Variants in CAPN5 observed in about 807,000 individuals in gnomAD.
CAPN5 encodes calpain-5.
Under a neutral mutation model 73.0 loss-of-function variants are expected in CAPN5, and 54 were observed. The ratio of observed to expected loss-of-function variants is 0.74; its 90% CI spans 0.59 to 0.93. The LOEUF is 0.93. CAPN5 is among the 40% of genes least tolerant of loss of function. CAPN5 has a pLI of 0.00. For synonymous variants in CAPN5, 335 were observed against 356.9 expected (o/e 0.94, Z 0.69); for missense variants, 785 against 882.9 (o/e 0.89, Z 1.41).
At chr11:77,102,250 C>T (rs1368865961) in intron 3 of CAPN5, among the ~76,000 whole-genome samples, 7 of 152,150 alleles carry the variant, frequency 4.6e-5, no homozygotes, top group Non-Finnish European at 5.9e-5. Context: ...GGAAGGGTCC[C>T]GGGGTGTTTG....
chr11:77,088,201 A>G, intron 2 of CAPN5: 1 of 1,058,052 alleles, frequency 9.5e-7, no homozygotes, highest in South Asian at 1.7e-5. Flanking sequence ...GGACTAATGA[A>G]CAGACACTGG....
rs1192620833 is a variant in CAPN5 at position 77,124,161 on chromosome 11, C to T, written c.*291C>T. On this transcript the variant is annotated 3_prime_UTR_variant, in exon 13 of 13. Coordinates refer to ENST00000648180, the MANE Select transcript of CAPN5 (RefSeq NM_004055.5). ...TCCATTGAGCACATTTTCCTAAGGC[C>T]CTGCTGTCTGCCGAGGAGCGCCAAG... 3.2e-5 allele frequency: 13 copies of T among 401,218 alleles called. No individual in the cohort carries two copies. The East Asian group carries it at 5.3e-4, about 16-fold the overall frequency. 24.9% of individuals were successfully genotyped at this position (401,218 alleles called of 1,614,324 possible). A position where few individuals can be genotyped will look rare whatever the true frequency, so the allele number is the denominator to read the frequency against.
intron 1 of CAPN5, among the ~76,000 whole-genome samples, chr11:77,073,982 A>G (rs7111527): frequency 0.73 from 111,681 of 152,112 alleles, 41,288 homozygotes; most frequent in African/African-American, 0.82. Context: ...CTCAGCACAC[A>G]GTGCGTCAGA....
At chr11:77,067,953 C>T (rs1451298921) in intron 1 of CAPN5, among the ~76,000 whole-genome samples, 1 of 152,030 alleles carries the variant, frequency 6.6e-6, no homozygotes, top group Non-Finnish European at 1.5e-5. Flanking sequence ...GAACCCGGGT[C>T]CGCCTGGCTC....
intron 3 of CAPN5, among the ~76,000 whole-genome samples, chr11:77,098,381 C>A (rs1244501571): frequency 8.7e-4 from 100 of 115,074 alleles, no homozygotes; most frequent in Non-Finnish European, 7.9e-4. Flanking sequence ...GGGGGCTGAC[C>A]CCCCCACCTC....
intron 9 of CAPN5, chr11:77,119,403 G>T (rs1950501620): frequency 2.0e-6 from 1 of 510,094 alleles, no homozygotes; most frequent in African/African-American, 1.9e-5. Context: ...CACAGGCCTG[G>T]GATGTTTGGT....
At position 77,085,051 on chromosome 11, in the gene CAPN5, G is replaced by C. The variant is rs782204547; in HGVS notation, c.165G>C (p.Lys55Asn). The C allele has an allele frequency of 1.2e-6, 2 of 1,612,910 alleles. No homozygotes were observed. Among genetic ancestry groups the C allele is most frequent in the South Asian group, 2.2e-5 (2 of 91,076 alleles). Residue 55 changes from lysine to asparagine, a missense_variant and splice_region_variant, in exon 2 of 13, where the codon AAG becomes AAC. Coordinates refer to ENST00000648180, the MANE Select transcript of CAPN5 (RefSeq NM_004055.5). ...PGPAVRWKRP[K>N]GICEDPRLFV... ...CCGCCGTCAGGTGGAAGCGACCCAA[G>C]GTCAGTGTCTGGTCCCAGCTGGAGC...
intron 3 of CAPN5, chr11:77,102,944 CG>C (rs1189935746): frequency 1.9e-6 from 3 of 1,612,940 alleles, no homozygotes; most frequent in African/African-American, 1.3e-5. Flanking sequence ...TGAAGCAGCG[CG>C]GGGAGAAGCG....
Position 77,124,072 on chromosome 11 carries a change from T to C in CAPN5, c.*202T>C. 1.7e-6 allele frequency: 1 copy of C among 588,690 alleles called. No homozygotes were observed. The highest frequency in any genetic ancestry group is 3.0e-6 in the Non-Finnish European group (1 of 333,644). 36.5% of individuals were successfully genotyped at this position (588,690 alleles called of 1,614,324 possible). A position where few individuals can be genotyped will look rare whatever the true frequency, so the allele number is the denominator to read the frequency against. On this transcript the variant is annotated 3_prime_UTR_variant, in exon 13 of 13. Transcript: ENST00000648180. ...GAAGCATTCCATTCTCGTGGAGGAG[T>C]TTCCTTGCTGAGATTTCAAATAGTC...
intron 1 of CAPN5, among the ~76,000 whole-genome samples, chr11:77,074,976 T>C (rs1264548359): frequency 6.6e-6 from 1 of 152,208 alleles, no homozygotes; most frequent in African/African-American, 2.4e-5. Context: ...CCAAGTCCTG[T>C]GGCCGTTCTT....
chr11:77,121,905 C>T (rs782351542), intron 10 of CAPN5, 29 bp from the exon 11 acceptor site: 3 of 1,328,708 alleles, frequency 2.3e-6, no homozygotes, highest in Non-Finnish European at 1.0e-6. Flanking sequence ...TTCTCCATCA[C>T]TCCCCTCTCC....
intron 1 of CAPN5, among the ~76,000 whole-genome samples, chr11:77,080,495 C>G (rs1253161211): frequency 1.3e-5 from 2 of 152,234 alleles, no homozygotes; most frequent in Non-Finnish European, 2.9e-5. Context: ...GCTTCTGCCT[C>G]AAGGACAAAT....
chr11:77,072,098 A>T (rs1418080382), intron 1 of CAPN5, among the ~76,000 whole-genome samples: 1 of 152,064 alleles, frequency 6.6e-6, no homozygotes, highest in Non-Finnish European at 1.5e-5. Context: ...CTCATGCCTG[A>T]GTTCTTAGCC....
At chr11:77,091,903 A>G (rs1361386228) in intron 2 of CAPN5, among the ~76,000 whole-genome samples, 1 of 152,194 alleles carries the variant, frequency 6.6e-6, no homozygotes, top group African/African-American at 2.4e-5. Flanking sequence ...GATACTTTAC[A>G]TACACTGATT....
chr11:77,084,840 C>T lies in CAPN5; in HGVS notation c.-35-12C>T. 6.2e-7 allele frequency: 1 copy of T among 1,612,818 alleles called. No individual in the cohort carries two copies. ...ACTCTGTGAGTGACCGTCTTCTTGC[C>T]TTCCTGTCCAGGTGTTCCCCCTCCC... On this transcript the variant is annotated splice_polypyrimidine_tract_variant and intron_variant, in intron 1 of 12. Coordinates refer to ENST00000648180, the MANE Select transcript of CAPN5 (RefSeq NM_004055.5).
intron 1 of CAPN5, among the ~76,000 whole-genome samples, chr11:77,080,907 A>G (rs1269531212): frequency 6.6e-6 from 1 of 152,198 alleles, no homozygotes; most frequent in Non-Finnish European, 1.5e-5. Context: ...ACCTGCCAGA[A>G]GACTGGGTTC....
At chr11:77,090,698 C>T (rs553595601) in intron 2 of CAPN5, among the ~76,000 whole-genome samples, 1 of 152,298 alleles carries the variant, frequency 6.6e-6, no homozygotes, top group African/African-American at 2.4e-5. Flanking sequence ...CAGGTGGTAG[C>T]TGTTTCTCTT....
intron 1 of CAPN5, among the ~76,000 whole-genome samples, chr11:77,074,093 G>A (rs1949941464): frequency 1.3e-5 from 2 of 152,218 alleles, no homozygotes; most frequent in South Asian, 4.1e-4. Context: ...ATGGAGGATG[G>A]GGTATGGGAT....
intron 1 of CAPN5, chr11:77,072,907 G>C (rs1949925198): frequency 2.9e-6 from 1 of 349,638 alleles, no homozygotes. Context: ...CCTGTGGCCA[G>C]AGAGGGCAGG....
Sources: allele counts gnomAD v4.1 joint callset (sites outside exome capture counted in the v4.1 genomes callset), GRCh38; gene constraint gnomAD v4.1.1; transcripts MANE v1.5; gene names NCBI Gene and HGNC (gene_info 2026-07-23, HGNC 2026-07-21).